SMC6: variants seen among roughly 807,000 people sequenced by gnomAD.
The protein encoded by SMC6 is structural maintenance of chromosomes 6, also known as structural maintenance of chromosomes protein 6.
Under a neutral mutation model 142.2 loss-of-function variants are expected in SMC6, and 79 were observed. That is an observed-to-expected ratio of 0.56 (90% CI 0.46 to 0.67). SMC6 has a LOEUF of 0.67. Ranked by LOEUF, SMC6 falls within the 30% of genes least tolerant of loss-of-function variation. SMC6 has a pLI of 0.00. For missense variants in SMC6, 1,072 were observed against 1,284.0 expected (o/e 0.83, Z 2.52); for synonymous variants, 411 against 412.4 (o/e 1.00, Z 0.04).
Position 17,695,908 on chromosome 2 carries a change from T to C in SMC6, c.2532+381A>G, listed in dbSNP as rs188181578. Among the ~76,000 whole-genome samples, 13 of 152,286 alleles carry C rather than the reference T, an allele frequency of 8.5e-5. No homozygotes were observed. In the East Asian group the frequency reaches 1.7e-3, roughly 20 times the overall value. ...CCGGGTCACTGCTTAGAATTGCCAA[T>C]AGACATGTCTCGTAGGAGCTAAAAT... On this transcript the variant is annotated intron_variant, in intron 22 of 27. Coordinates refer to ENST00000448223, the MANE Select transcript of SMC6 (RefSeq NM_001142286.2).
chr2:17,690,691 A>C (rs1667663597), intron 23 of SMC6, among the ~76,000 whole-genome samples: 1 of 152,180 alleles, frequency 6.6e-6, no homozygotes, highest in Non-Finnish European at 1.5e-5. Flanking sequence ...TAATGTACCG[A>C]ATAGACAAAA....
At chr2:17,726,625 G>T (rs1239434041) in intron 7 of SMC6, among the ~76,000 whole-genome samples, 156 bp from the exon 8 acceptor site, 1 of 152,068 alleles carries the variant, frequency 6.6e-6, no homozygotes, top group Non-Finnish European at 1.5e-5. Flanking sequence ...CTAAAAAAAA[G>T]TTAGAAATGT....
At chr2:17,708,005 C>T (rs200191571) in intron 17 of SMC6, among the ~76,000 whole-genome samples, 72,683 of 150,122 alleles carry the variant, frequency 0.48, 19,423 homozygotes, top group African/African-American at 0.71. Flanking sequence ...TATACACACA[C>T]ACACACACAC....
chr2:17,730,913 C>T (rs754235468), intron 7 of SMC6, among the ~76,000 whole-genome samples, 165 bp downstream of exon 7: 23 of 152,000 alleles, frequency 1.5e-4, no homozygotes, highest in Non-Finnish European at 2.6e-4. Context: ...CATACCCGGC[C>T]GAATTAGTAA....
At chr2:17,715,854 T>A (rs554212938) in intron 15 of SMC6, among the ~76,000 whole-genome samples, 4 of 152,314 alleles carry the variant, frequency 2.6e-5, no homozygotes, top group African/African-American at 9.6e-5. Context: ...ATTCATTTAT[T>A]CAGAAAAACA....
chr2:17,752,555 G>A (rs1671098142), intron 2 of SMC6, among the ~76,000 whole-genome samples: 1 of 152,140 alleles, frequency 6.6e-6, no homozygotes, highest in African/African-American at 2.4e-5. Context: ...ATAAATACAC[G>A]CTTTTAGGCA....
Position 17,683,619 on chromosome 2 carries a change from CA to C in SMC6, c.2804+18del, listed in dbSNP as rs1228179765. On this transcript the variant is annotated intron_variant, in intron 24 of 27. Transcript: ENST00000448223. Reference sequence around the variant, plus strand: ...CACAAAAATGTATAATATATAGTAACATTTTTCAATGTACTTACCTTCTAAA... The same window carrying C: ...CACAAAAATGTATAATATATAGTAACTTTTTCAATGTACTTACCTTCTAAA... 1 of 1,587,016 alleles carries C rather than the reference CA, an allele frequency of 6.3e-7. No homozygotes were observed. Among genetic ancestry groups the C allele is most frequent in the African/African-American group, 1.4e-5 (1 of 73,470 alleles).
At chr2:17,703,755 G>A (rs1458046412) in intron 18 of SMC6, among the ~76,000 whole-genome samples, 1 of 151,878 alleles carries the variant, frequency 6.6e-6, no homozygotes, top group African/African-American at 2.4e-5. Flanking sequence ...GTAGCTAACT[G>A]TATTGTAAGA....
In SMC6 at chr2:17,703,159, T is replaced by C; in HGVS notation, c.2140A>G (p.Lys714Glu). The C allele has an allele frequency of 1.4e-6, 2 of 1,399,884 alleles. No homozygotes were observed. The highest frequency in any genetic ancestry group is 2.0e-6 in the Non-Finnish European group (2 of 1,015,526). The allele number at this position is 1,399,884 out of a possible 1,614,324, so 86.7% of individuals were successfully genotyped here. ...KRCQLHYKEL[K>E]MKIRKNISEI... The stretch of plus-strand genomic sequence containing the variant: ...GTTTATTATTATTATTTTTTTACCT[T>C]TAGTTCTTTATAATGTAGTTGGCAC... The change falls in exon 19 of 28, where the codon AAG (lysine) becomes GAG (glutamate). Residue 714 changes from lysine (K) to glutamate (E), a missense_variant and splice_region_variant. Physicochemically the swap from Lys to Glu is moderately conservative, Grantham distance 56. Around this residue, in one of 3 missense-constraint regions of SMC6, gnomAD observed 994 missense variants for 1,153.2 expected, o/e 0.86. Coordinates refer to ENST00000448223, the MANE Select transcript of SMC6 (RefSeq NM_001142286.2).
chr2:17,736,506 T>C (rs111627706), intron 5 of SMC6, among the ~76,000 whole-genome samples: 24 of 152,208 alleles, frequency 1.6e-4, no homozygotes, highest in African/African-American at 5.8e-4. Context: ...AAAGACTGTA[T>C]CTGAAAATTC....
intron 23 of SMC6, among the ~76,000 whole-genome samples, chr2:17,690,951 T>C (rs1426708896): frequency 6.6e-6 from 1 of 151,508 alleles, no homozygotes; most frequent in Non-Finnish European, 1.5e-5. Context: ...ATGGAGTTTA[T>C]ACTACTAAAA....
chr2:17,676,371 AATT>A (rs1022427571), intron 25 of SMC6, among the ~76,000 whole-genome samples: 1 of 152,186 alleles, frequency 6.6e-6, no homozygotes, highest in Non-Finnish European at 1.5e-5. Context: ...CTTTAAAAAA[AATT>A]ATCAATCACC....
At chr2:17,733,572 T>C (rs935197476) in intron 5 of SMC6, among the ~76,000 whole-genome samples, 20 of 152,334 alleles carry the variant, frequency 1.3e-4, no homozygotes, top group African/African-American at 4.8e-4. Context: ...CTTTGCAACA[T>C]TTCTGTAAAT....
chr2:17,699,173 C>T (rs989880320), intron 21 of SMC6, among the ~76,000 whole-genome samples: 3 of 151,756 alleles, frequency 2.0e-5, no homozygotes, highest in Non-Finnish European at 2.9e-5. Context: ...CTAACAAATT[C>T]TCTAAGTTTG....
chr2:17,743,580 A>G (rs538506984), intron 3 of SMC6, among the ~76,000 whole-genome samples: 2 of 152,262 alleles, frequency 1.3e-5, no homozygotes, highest in African/African-American at 4.8e-5. Flanking sequence ...TGATGAACCC[A>G]CACTAACATA....
chr2:17,732,541 A>G (rs1669959893), intron 5 of SMC6, among the ~76,000 whole-genome samples: 1 of 152,056 alleles, frequency 6.6e-6, no homozygotes, highest in African/African-American at 2.4e-5. Flanking sequence ...TCTACAAAAA[A>G]TACAAAAATT....
chr2:17,681,964 C>T (rs1667257543), intron 24 of SMC6: 1 of 151,958 alleles, frequency 6.6e-6, no homozygotes, highest in African/African-American at 2.4e-5. Flanking sequence ...TGAGGTATGC[C>T]TGTAAACTGT....
In SMC6 at chr2:17,675,732, C is replaced by T. The variant is rs1572249708; in HGVS notation, c.2910+3127G>A. Among the ~76,000 whole-genome samples, 3 of 152,176 alleles carry T rather than the reference C, an allele frequency of 2.0e-5. No homozygotes were observed. In the Middle Eastern group the frequency reaches 0.01, roughly 518 times the overall value. The stretch of plus-strand genomic sequence containing the variant: ...AACTCTGCCTTTGGTTTTATTGTTG[C>T]TCTTTCGAAACTAATGCATATTTTT... On this transcript the variant is annotated intron_variant, in intron 25 of 27. Coordinates refer to ENST00000448223, the MANE Select transcript of SMC6 (RefSeq NM_001142286.2).
rs775014378 is a variant in SMC6, at chr2:17,726,488, C to A, written c.544-19G>T. ...TATCCACCTCAAACAAACAAAAAGTCATTTTTGAATATTTTACTTTAATGC... is the reference window on the plus strand; with the variant it reads ...TATCCACCTCAAACAAACAAAAAGTAATTTTTGAATATTTTACTTTAATGC... On this transcript the variant is annotated intron_variant, in intron 7 of 27. Transcript: ENST00000448223. 2.5e-6 allele frequency: 4 copies of A among 1,592,386 alleles called. No homozygotes were observed. The highest frequency in any genetic ancestry group is 2.7e-5 in the African/African-American group (2 of 74,124).
Sources: allele counts gnomAD v4.1 joint callset (sites outside exome capture counted in the v4.1 genomes callset), GRCh38; gene constraint gnomAD v4.1.1; regional missense constraint gnomAD v4.1.1; transcripts MANE v1.5; gene names NCBI Gene and HGNC (gene_info 2026-07-23, HGNC 2026-07-21).